The following NYAP2 variants were observed in gnomAD, a reference collection of about 807,000 sequenced individuals.
NYAP2 encodes neuronal tyrosine-phosphorylated phosphoinositide-3-kinase adapter 2.
In NYAP2, 23 loss-of-function variants were observed where a neutral mutation model predicts 50.4. That is an observed-to-expected ratio of 0.46 (90% CI 0.33 to 0.65). The LOEUF (loss-of-function observed/expected upper bound fraction) is 0.65, where lower values mean the gene tolerates loss of function less well. NYAP2 is among the 30% of genes least tolerant of loss of function. NYAP2 has a pLI of 0.02. For missense variants in NYAP2, 885 were observed against 861.0 expected (o/e 1.03, Z -0.35); for synonymous variants, 394 against 365.2 (o/e 1.08, Z -0.90).
chr2:225,582,552 T>C lies in NYAP2; in HGVS notation c.1135T>C (p.Ser379Pro). 1 of 1,582,904 alleles carries C rather than the reference T, an allele frequency of 6.3e-7. No homozygotes were observed. The highest frequency in any genetic ancestry group is 1.4e-5 in the African/African-American group (1 of 73,692). ...TTACATGAAACAGCCAGCCGGGGCG[T>C]CGCCCTCCACGCTGCCGTCCCACGT... Residue 379 changes from serine to proline, a missense_variant, in exon 5 of 7, where the codon TCG (serine) becomes CCG (proline). Coordinates refer to ENST00000636099, the Ensembl canonical transcript of NYAP2. This position sits in a 1 kb window ranked among gnomAD's most constrained non-coding sequence, Gnocchi z 7.0.
chr2:225,688,035 T>C, the NYAP2 span, among the ~76,000 whole-genome samples: 3 of 152,176 alleles, frequency 2.0e-5, no homozygotes, highest in Non-Finnish European at 4.4e-5. Context: ...GAATTTGCAT[T>C]TTAATAAACT....
intron 3 of NYAP2, among the ~76,000 whole-genome samples, chr2:225,451,765 T>C (rs752818265): frequency 6.6e-6 from 1 of 152,244 alleles, no homozygotes; most frequent in Non-Finnish European, 1.5e-5. Context: ...AGCTCTGTTA[T>C]ATGGTAGGCT....
chr2:225,502,727 G>T (rs1019400400), intron 3 of NYAP2, among the ~76,000 whole-genome samples: 1 of 152,148 alleles, frequency 6.6e-6, no homozygotes. Flanking sequence ...TTCCCATGGG[G>T]CTTCCCAGCC....
chr2:225,585,366 G>A (rs569972320), intron 5 of NYAP2, among the ~76,000 whole-genome samples: 25 of 150,940 alleles, frequency 1.7e-4, no homozygotes, highest in African/African-American at 6.1e-4. Context: ...CAATTAACTA[G>A]AAAAAAAAAG....
the NYAP2 span, chr2:225,702,372 C>A: frequency 6.6e-6 from 1 of 151,648 alleles, no homozygotes; most frequent in Non-Finnish European, 1.5e-5. Context: ...AATTCTAAAG[C>A]ACTTGGTGTT....
intron 5 of NYAP2, among the ~76,000 whole-genome samples, chr2:225,587,494 G>A (rs1209491137): frequency 1.3e-5 from 2 of 152,146 alleles, no homozygotes; most frequent in Non-Finnish European, 2.9e-5. Context: ...GAGGCGCACA[G>A]AAAGGGATTA....
At chr2:225,577,313 T>C (rs973622051) in intron 4 of NYAP2, among the ~76,000 whole-genome samples, 18 of 152,220 alleles carry the variant, frequency 1.2e-4, no homozygotes, top group African/African-American at 4.3e-4. Context: ...GTGATAAAAA[T>C]CACCTTTTTA....
At chr2:225,630,559 C>T (rs985669400) in intron 6 of NYAP2, among the ~76,000 whole-genome samples, 2 of 152,114 alleles carry the variant, frequency 1.3e-5, no homozygotes, top group African/African-American at 4.8e-5. Context: ...TGTAGAGAAC[C>T]CTTTTTCCCC....
chr2:225,561,373 C>T (rs771417458), intron 4 of NYAP2, among the ~76,000 whole-genome samples: 5 of 151,940 alleles, frequency 3.3e-5, no homozygotes, highest in Non-Finnish European at 5.9e-5. Context: ...AGGAAGGAAG[C>T]CAGAGGTGGC....
chr2:225,446,018 A>C (rs2106144099), intron 3 of NYAP2, among the ~76,000 whole-genome samples: 1 of 151,972 alleles, frequency 6.6e-6, no homozygotes, highest in Non-Finnish European at 1.5e-5. Context: ...ATGACTTAGA[A>C]AGTGTATGGA....
At chr2:225,647,077 C>T (rs1693647878) in intron 6 of NYAP2, among the ~76,000 whole-genome samples, 1 of 151,878 alleles carries the variant, frequency 6.6e-6, no homozygotes, top group South Asian at 2.1e-4. Context: ...CTTTTTTCAT[C>T]AGATGATAAT....
intron 4 of NYAP2, among the ~76,000 whole-genome samples, chr2:225,562,166 G>A (rs1008654090): frequency 6.6e-6 from 1 of 152,018 alleles, no homozygotes; most frequent in Admixed American, 6.6e-5. Context: ...TATGTGTTTT[G>A]TTTCCCCTTT....
rs550213979 is a variant in NYAP2 at position 225,621,071 on chromosome 2, G to A, written c.1619-5846G>A. Among the ~76,000 whole-genome samples the A allele has an allele frequency of 1.6e-4, 23 of 147,638 alleles. No homozygotes were observed. The East Asian group carries it at 4.0e-3, about 26-fold the overall frequency. The stretch of plus-strand genomic sequence containing the variant: ...GGAGCTTGCGGTGAGCTGAGATCGT[G>A]CCACTGCACTCCAGCCTGGGCGACC... On this transcript the variant is annotated intron_variant, in intron 5 of 6. Coordinates refer to ENST00000636099, the Ensembl canonical transcript of NYAP2.
chr2:225,461,199 C>G (rs1460985342), intron 3 of NYAP2, among the ~76,000 whole-genome samples: 1 of 152,082 alleles, frequency 6.6e-6, no homozygotes, highest in African/African-American at 2.4e-5. Context: ...AGGTGTCTAA[C>G]TGGGTTATCT....
chr2:225,549,484 T>TGCTGATGG (rs1285266555), intron 4 of NYAP2, among the ~76,000 whole-genome samples: 1 of 152,172 alleles, frequency 6.6e-6, no homozygotes, highest in Non-Finnish European at 1.5e-5. Flanking sequence ...ATGGAGTCAT[T>TGCTGATGG]GCTGATGGGA....
the NYAP2 span, among the ~76,000 whole-genome samples, chr2:225,694,298 C>A: frequency 6.6e-6 from 1 of 151,458 alleles, no homozygotes; most frequent in Non-Finnish European, 1.5e-5. Flanking sequence ...GGATTTTACA[C>A]ATCTTTTTTT....
intron 3 of NYAP2, among the ~76,000 whole-genome samples, chr2:225,453,030 T>G (rs1689679009): frequency 6.6e-6 from 1 of 152,198 alleles, no homozygotes; most frequent in African/African-American, 2.4e-5. Flanking sequence ...AAACAGGGCA[T>G]GTCACTGAGC....
chr2:225,632,385 G>T (rs868496029), intron 6 of NYAP2, among the ~76,000 whole-genome samples: 3 of 152,022 alleles, frequency 2.0e-5, no homozygotes, highest in Admixed American at 1.3e-4. Flanking sequence ...CTGCTTCTGC[G>T]TCTATTTCTC....
chr2:225,627,021 G>C (rs1346826052), exon 6 of NYAP2: 2 of 1,594,416 alleles, frequency 1.3e-6, no homozygotes, highest in African/African-American at 2.7e-5. Flanking sequence ...CAGAGAGCCT[G>C]TCAAAGCTCA....
Sources: allele counts gnomAD v4.1 joint callset (sites outside exome capture counted in the v4.1 genomes callset), GRCh38; gene constraint gnomAD v4.1.1; non-coding constraint Gnocchi (gnomAD v3.1); transcripts MANE v1.5; gene names NCBI Gene and HGNC (gene_info 2026-07-23, HGNC 2026-07-21).